IGF1R: variants seen among roughly 807,000 people sequenced by gnomAD.
IGF1R encodes the protein insulin like growth factor 1 receptor.
In IGF1R, 44 loss-of-function variants were observed where a neutral mutation model predicts 144.6. The ratio of observed to expected loss-of-function variants is 0.30; its 90% CI spans 0.24 to 0.39. The LOEUF (loss-of-function observed/expected upper bound fraction) is 0.39. Among genes scored for constraint, IGF1R ranks in the 10% least tolerant of loss-of-function variants. The pLI is 1.00. For synonymous variants in IGF1R, 795 were observed against 722.8 expected (o/e 1.10, Z -1.60); for missense variants, 1,355 against 1,833.7 (o/e 0.74, Z 4.77).
intron 2 of IGF1R, among the ~76,000 whole-genome samples, chr15:98,745,861 C>G (rs548163893): frequency 6.6e-6 from 1 of 152,190 alleles, no homozygotes; most frequent in Non-Finnish European, 1.5e-5. Flanking sequence ...GTTATAAATG[C>G]GTGTTACCTT....
chr15:98,852,960 C>T (rs1030995683), intron 2 of IGF1R, among the ~76,000 whole-genome samples: 4 of 152,184 alleles, frequency 2.6e-5, no homozygotes, highest in African/African-American at 4.8e-5. Flanking sequence ...ACAGGTCATG[C>T]TTTATCAACA....
intron 2 of IGF1R, among the ~76,000 whole-genome samples, chr15:98,796,936 A>G (rs2141426823): frequency 6.6e-6 from 1 of 152,316 alleles, no homozygotes; most frequent in East Asian, 1.9e-4. Context: ...TGGAGAGTGC[A>G]TCTAGCTGTA....
chr15:98,649,520 C>CT lies in IGF1R; in HGVS notation c.-58dup, dbSNP rs1374739491. 1.2e-4 allele frequency: 107 copies of CT among 858,056 alleles called. 1 individual carries two copies. The highest frequency in any genetic ancestry group is 1.5e-4 in the Non-Finnish European group (86 of 588,950). 53.2% of individuals were successfully genotyped at this position (858,056 alleles called of 1,614,324 possible). A position where few individuals can be genotyped will look rare whatever the true frequency, so the allele number is the denominator to read the frequency against. On this transcript the variant is annotated 5_prime_UTR_variant, in exon 1 of 21. Transcript: ENST00000650285. ...TCCTTTCATTTCCTTTTTTTCTTTT[C>CT]TTTTCTTTTTTTTTTTTTTTTTTTT...
At chr15:98,652,700 T>C (rs2052398534) in intron 1 of IGF1R, among the ~76,000 whole-genome samples, 1 of 152,154 alleles carries the variant, frequency 6.6e-6, no homozygotes, top group Admixed American at 6.5e-5. Context: ...GTGAAATGTC[T>C]AGAATAAACA....
At chr15:98,897,392 TGA>T (rs2014253333) in intron 4 of IGF1R, 2 of 183,706 alleles carry the variant, frequency 1.1e-5, no homozygotes, top group Admixed American at 1.1e-4. Context: ...AATTTACTTG[TGA>T]GAGACAAAAG....
chr15:98,740,655 TC>T (rs1238357445), intron 2 of IGF1R, among the ~76,000 whole-genome samples: 3 of 152,348 alleles, frequency 2.0e-5, no homozygotes, highest in Admixed American at 2.0e-4. Flanking sequence ...GCTTACCATA[TC>T]TGTAGGGCAC....
chr15:98,893,781 A>G (rs939596588), intron 3 of IGF1R, among the ~76,000 whole-genome samples: 1 of 152,224 alleles, frequency 6.6e-6, no homozygotes, highest in African/African-American at 2.4e-5. Context: ...GAATTGAGCC[A>G]TTATTTCCCC....
At chr15:98,737,880 G>A (rs141665013) in intron 2 of IGF1R, among the ~76,000 whole-genome samples, 2 of 152,170 alleles carry the variant, frequency 1.3e-5, no homozygotes, top group South Asian at 2.1e-4. Flanking sequence ...TGTGCCCTTC[G>A]TGCTGCACTG....
chr15:98,793,298 C>G (rs1365952221), intron 2 of IGF1R, among the ~76,000 whole-genome samples: 1 of 152,152 alleles, frequency 6.6e-6, no homozygotes, highest in African/African-American at 2.4e-5. Context: ...TAAAAAAAAT[C>G]TTGTGTTGTC....
intron 2 of IGF1R, among the ~76,000 whole-genome samples, chr15:98,828,581 A>G (rs1343531636): frequency 6.6e-6 from 1 of 151,934 alleles, no homozygotes; most frequent in African/African-American, 2.4e-5. Flanking sequence ...ACTTTTCAAA[A>G]CCCCTCTCAT....
chr15:98,935,135 T>G lies in IGF1R; in HGVS notation c.3186+82T>G, dbSNP rs2016092832. On this transcript the variant is annotated intron_variant, in intron 16 of 20. Transcript: ENST00000650285. This position sits in a 1 kb window ranked among gnomAD's most constrained non-coding sequence, Gnocchi z 4.2. ...GCCTCCCAGTATGTTCTTGGCTGCA[T>G]GTACCCGTGGGTTTGGTGTCTTGCC... 3 of 1,235,458 alleles carry G rather than the reference T, an allele frequency of 2.4e-6. No homozygotes were observed. In the East Asian group the frequency reaches 7.1e-5, roughly 29 times the overall value. 76.5% of individuals were successfully genotyped at this position (1,235,458 alleles called of 1,614,324 possible). A position where few individuals can be genotyped will look rare whatever the true frequency, so the allele number is the denominator to read the frequency against.
At chr15:98,937,074 C>T (rs898806762) in intron 17 of IGF1R, among the ~76,000 whole-genome samples, 4 of 152,014 alleles carry the variant, frequency 2.6e-5, no homozygotes, top group Non-Finnish European at 4.4e-5. Flanking sequence ...TTAGTAGAGA[C>T]GGGGTTTCAC....
rs74034271 is a variant in IGF1R, at chr15:98,882,812, C to T, written c.641-8513C>T. 9.4e-3 allele frequency among the ~76,000 whole-genome samples: 1,426 copies of T among 152,280 alleles called. 18 individuals are homozygous for T. The highest frequency in any genetic ancestry group is 0.032 in the African/African-American group (1,312 of 41,558). On this transcript the variant is annotated intron_variant, in intron 2 of 20. Transcript: ENST00000650285. ...GAGTCTCAACCCCTTTCAAAGACTG[C>T]AAGATCTCCTTGTACACACTGGACT... is the stretch of plus-strand genomic sequence containing the variant.
intron 2 of IGF1R, among the ~76,000 whole-genome samples, chr15:98,884,866 C>G (rs1238264334): frequency 6.6e-6 from 1 of 152,002 alleles, no homozygotes; most frequent in Non-Finnish European, 1.5e-5. Flanking sequence ...AAGAGTAGTC[C>G]AAACTCCTAT....
chr15:98,802,891 G>A (rs1374041351), intron 2 of IGF1R, among the ~76,000 whole-genome samples: 1 of 152,184 alleles, frequency 6.6e-6, no homozygotes. Flanking sequence ...AAAATGAAAA[G>A]TAAACGTAAT....
rs549091684 is a variant in IGF1R at position 98,753,098 on chromosome 15, ATTTG to A, written c.640+44997_640+45000del. The stretch of plus-strand genomic sequence containing the variant: ...CTACAGGCACGTGCCACCACACCTA[ATTTG>A]TTTGTGTATTTAGTAGAGACAGGGT... On this transcript the variant is annotated intron_variant, in intron 2 of 20. Coordinates refer to ENST00000650285, the MANE Select transcript of IGF1R (RefSeq NM_000875.5). Among the ~76,000 whole-genome samples, 439 of 151,506 alleles carry A rather than the reference ATTTG, an allele frequency of 2.9e-3. 2 individuals are homozygous for A. The highest frequency in any genetic ancestry group is 0.01 in the African/African-American group (427 of 41,280).
chr15:98,750,937 C>T (rs1381754328), intron 2 of IGF1R, among the ~76,000 whole-genome samples: 1 of 151,984 alleles, frequency 6.6e-6, no homozygotes, highest in Non-Finnish European at 1.5e-5. Context: ...TACAGGTGTA[C>T]ACCACCATGG....
intron 2 of IGF1R, among the ~76,000 whole-genome samples, chr15:98,717,947 A>C (rs1381072698): frequency 6.6e-6 from 1 of 152,038 alleles, no homozygotes; most frequent in Admixed American, 6.5e-5. Flanking sequence ...CGCTAGGTAT[A>C]TGTGTGCACA....
At chr15:98,689,566 A>T (rs1434710971) in intron 1 of IGF1R, among the ~76,000 whole-genome samples, 3 of 151,888 alleles carry the variant, frequency 2.0e-5, no homozygotes, top group Non-Finnish European at 1.5e-5. Context: ...ATTGTTGAGG[A>T]TCCAGGGGTT....
Sources: allele counts gnomAD v4.1 joint callset (sites outside exome capture counted in the v4.1 genomes callset), GRCh38; gene constraint gnomAD v4.1.1; non-coding constraint Gnocchi (gnomAD v3.1); transcripts MANE v1.5; gene names NCBI Gene and HGNC (gene_info 2026-07-23, HGNC 2026-07-21).